KCND3: variants seen among roughly 807,000 people sequenced by gnomAD.
KCND3 encodes the protein potassium voltage-gated channel subfamily D member 3.
In KCND3, 9 loss-of-function variants were observed where a neutral mutation model predicts 51.1. The observed-to-expected ratio is 0.18, with a 90% CI of 0.11 to 0.31. The LOEUF (loss-of-function observed/expected upper bound fraction) is 0.31. Among genes scored for constraint, KCND3 ranks in the 10% least tolerant of loss-of-function variants. The pLI is 1.00. For missense variants in KCND3, 526 were observed against 903.8 expected, an observed-to-expected ratio of 0.58 and a Z score of 5.36; for synonymous variants, 349 against 368.0, an observed-to-expected ratio of 0.95 and a Z score of 0.59.
intron 2 of KCND3, among the ~76,000 whole-genome samples, chr1:111,918,834 T>C (rs1295106209): frequency 6.6e-6 from 1 of 152,054 alleles, no homozygotes; most frequent in Non-Finnish European, 1.5e-5. Flanking sequence ...GTCATGAGAT[T>C]ATTTTTCTGT....
intron 2 of KCND3, among the ~76,000 whole-genome samples, chr1:111,817,213 C>A (rs953023212): frequency 6.7e-6 from 1 of 148,830 alleles, no homozygotes; most frequent in East Asian, 2.0e-4. Flanking sequence ...AGTGGGGTAG[C>A]AAGAAAGTGC....
chr1:111,953,049 T>G lies in KCND3; in HGVS notation c.1106+28572A>C, dbSNP rs534097729. 3.3e-5 allele frequency among the ~76,000 whole-genome samples: 5 copies of G among 152,148 alleles called. No individual in the cohort carries two copies. In the South Asian group the frequency reaches 1.0e-3, roughly 32 times the overall value. ...TCAGATGAGGTACCATTATCCCCAG[T>G]GTACAAGTGAGGGAACCAGAGCAGA... On this transcript the variant is annotated intron_variant, in intron 2 of 7. Transcript: ENST00000302127.
intron 2 of KCND3, among the ~76,000 whole-genome samples, chr1:111,926,499 A>G (rs1671704510): frequency 1.3e-5 from 2 of 152,224 alleles, no homozygotes; most frequent in African/African-American, 2.4e-5. Context: ...CCTGACCTCC[A>G]TCACCTCACA....
Position 111,780,714 on chromosome 1 carries a change from G to A in KCND3, c.1347C>T (p.Leu449=). The A allele has an allele frequency of 1.2e-6, 2 of 1,612,174 alleles. No homozygotes were observed. The highest frequency in any genetic ancestry group is 2.2e-5 in the South Asian group (2 of 90,152). ...CCGTCAGCTCCAGCGCCTCGTTGAG[G>A]AGCCCGTTGCGCTTGCTGTGCAGGT... ...NAYLHSKRNG[L]LNEALELTGT... is the part of the protein sequence containing the mutation. Residue 449 remains leucine, a synonymous_variant, in exon 4 of 8, where the codon CTC becomes CTT. Transcript: ENST00000302127. The surrounding 1 kb of genome is among the most constrained non-coding windows in gnomAD (Gnocchi z 4.2).
rs549491250 is a variant in KCND3 at position 111,902,063 on chromosome 1, C to T, written c.1106+79558G>A. The stretch of plus-strand genomic sequence containing the variant: ...AAAATGCTTGAGGATTCAGAATCTC[C>T]CAGAGCCCCCTCCGGCCTCACTCAG... On this transcript the variant is annotated intron_variant, in intron 2 of 7. Coordinates refer to ENST00000302127, the MANE Select transcript of KCND3 (RefSeq NM_001378969.1). Among the ~76,000 whole-genome samples, 9 of 152,270 alleles carry T rather than the reference C, an allele frequency of 5.9e-5. No homozygotes were observed. The East Asian group carries it at 1.5e-3, about 26-fold the overall frequency.
chr1:111,973,495 C>A (rs746920002), intron 2 of KCND3, among the ~76,000 whole-genome samples: 1 of 152,204 alleles, frequency 6.6e-6, no homozygotes, highest in Non-Finnish European at 1.5e-5. Flanking sequence ...GTTTCCAGTC[C>A]TGTTGGGATC....
chr1:111,971,867 G>A (rs879819381), intron 2 of KCND3, among the ~76,000 whole-genome samples: 6 of 152,094 alleles, frequency 3.9e-5, no homozygotes, highest in African/African-American at 7.2e-5. Flanking sequence ...CTTCTCTTCC[G>A]GGGTGTCATT....
chr1:111,914,055 T>C (rs1671081220), intron 2 of KCND3, among the ~76,000 whole-genome samples: 1 of 152,086 alleles, frequency 6.6e-6, no homozygotes, highest in Non-Finnish European at 1.5e-5. Flanking sequence ...ATAGCCAATA[T>C]ACTATATGCT....
chr1:111,883,043 A>T (rs571392354), intron 2 of KCND3, among the ~76,000 whole-genome samples: 1 of 152,368 alleles, frequency 6.6e-6, no homozygotes, highest in South Asian at 2.1e-4. Context: ...GGATCAAGTC[A>T]TGTCTCTCAA....
At chr1:111,890,422 G>A (rs1034614944) in intron 2 of KCND3, among the ~76,000 whole-genome samples, 3 of 152,192 alleles carry the variant, frequency 2.0e-5, no homozygotes, top group African/African-American at 7.2e-5. Context: ...CATCAATGAA[G>A]ATATATGGGT....
intron 2 of KCND3, among the ~76,000 whole-genome samples, chr1:111,847,534 C>G (rs1302623574): frequency 6.6e-6 from 1 of 152,140 alleles, no homozygotes; most frequent in African/African-American, 2.4e-5. Flanking sequence ...AATTCAACAA[C>G]AGTGAAGCCG....
chr1:111,841,124 T>C (rs1667302764), intron 2 of KCND3, among the ~76,000 whole-genome samples: 1 of 152,250 alleles, frequency 6.6e-6, no homozygotes, highest in Non-Finnish European at 1.5e-5. Context: ...GCAGAATACT[T>C]GCAGTCATCT....
chr1:111,929,930 C>T (rs1399211331), intron 2 of KCND3, among the ~76,000 whole-genome samples: 7 of 152,206 alleles, frequency 4.6e-5, no homozygotes, highest in African/African-American at 1.7e-4. Flanking sequence ...AAAATGTATT[C>T]CTGCAGCAAT....
chr1:111,918,325 G>A (rs924939812), intron 2 of KCND3, among the ~76,000 whole-genome samples: 3 of 152,202 alleles, frequency 2.0e-5, no homozygotes, highest in South Asian at 2.1e-4. Flanking sequence ...AGCAGAGCTC[G>A]GAAGAGACCT....
intron 2 of KCND3, among the ~76,000 whole-genome samples, chr1:111,872,952 G>A (rs746877052): frequency 1.3e-5 from 2 of 152,186 alleles, no homozygotes; most frequent in African/African-American, 4.8e-5. Flanking sequence ...CTCTGATGCT[G>A]TCTCTTCTCA....
intron 1 of KCND3, chr1:111,988,750 T>C: frequency 6.6e-6 from 1 of 152,210 alleles, no homozygotes; most frequent in Non-Finnish European, 1.5e-5. Flanking sequence ...ATACGGACCC[T>C]TTTTCTTGCA....
intron 2 of KCND3, among the ~76,000 whole-genome samples, chr1:111,917,043 G>A (rs756362219): frequency 3.3e-5 from 5 of 152,098 alleles, no homozygotes; most frequent in Non-Finnish European, 4.4e-5. Context: ...AAAAAAGAAC[G>A]CCCATATGAT....
intron 2 of KCND3, among the ~76,000 whole-genome samples, chr1:111,808,096 G>C (rs1386563764): frequency 6.6e-6 from 1 of 152,214 alleles, no homozygotes; most frequent in Non-Finnish European, 1.5e-5. Flanking sequence ...TTAGTGCACT[G>C]TAGATTAGAA....
At position 111,770,829 on chromosome 1, in the gene KCND3, GTT is replaced by G. The variant is rs1191069287; in HGVS notation, c.*5246_*5247del. Reference sequence around the variant, plus strand: ...GGGTGTTTTTTTTTTTTCATAGAAAGTTTTCATGTTTTATCTTCCTGCAGTTT... The same window carrying G: ...GGGTGTTTTTTTTTTTTCATAGAAAGTTCATGTTTTATCTTCCTGCAGTTT... On this transcript the variant is annotated 3_prime_UTR_variant, in exon 8 of 8. Transcript: ENST00000302127. The G allele has an allele frequency of 6.6e-6, 1 of 151,118 alleles. No homozygotes were observed. Among genetic ancestry groups the G allele is most frequent in the Admixed American group, 6.6e-5 (1 of 15,210 alleles). The allele number at this position is 151,118 out of a possible 1,614,324, so 9.4% of individuals were successfully genotyped here.
Sources: allele counts gnomAD v4.1 joint callset (sites outside exome capture counted in the v4.1 genomes callset), GRCh38; gene constraint gnomAD v4.1.1; non-coding constraint Gnocchi (gnomAD v3.1); transcripts MANE v1.5; gene names NCBI Gene and HGNC (gene_info 2026-07-23, HGNC 2026-07-21).